The following MYT1 variants were observed in gnomAD, a reference collection of about 807,000 sequenced individuals.
MYT1 encodes myelin transcription factor 1, also known as myelin transcription factor I.
MYT1 carries 23 observed loss-of-function variants against 123.0 expected under a neutral mutation model. That is an observed-to-expected ratio of 0.19 (90% CI 0.13 to 0.26). MYT1 has a LOEUF of 0.26. Among genes scored for constraint, MYT1 ranks in the 10% least tolerant of loss-of-function variants. MYT1 has a pLI of 1.00. For synonymous variants in MYT1, 518 were observed against 575.3 expected, an observed-to-expected ratio of 0.90 and a Z score of 1.43; for missense variants, 1,125 against 1,472.5, an observed-to-expected ratio of 0.76 and a Z score of 3.86.
rs1328024348 is a variant in MYT1 at position 64,192,918 on chromosome 20, G to T, written c.-1+2758G>T. 1.3e-5 allele frequency among the ~76,000 whole-genome samples: 2 copies of T among 152,176 alleles called. No individual in the cohort carries two copies. The highest frequency in any genetic ancestry group is 4.8e-5 in the African/African-American group (2 of 41,434). On this transcript the variant is annotated intron_variant, in intron 2 of 22. Coordinates refer to ENST00000328439, the MANE Select transcript of MYT1 (RefSeq NM_004535.3). The surrounding 1 kb of genome is among the most constrained non-coding windows in gnomAD (Gnocchi z 5.3). Reference sequence around the variant, plus strand: ...TTTATGCTGGAGTTTTTAACAGACGGTTGCAGATATGGCTGCTTCATCAGG... The same window carrying T: ...TTTATGCTGGAGTTTTTAACAGACGTTTGCAGATATGGCTGCTTCATCAGG...
chr20:64,227,195 G>T (rs1328998021), intron 16 of MYT1, among the ~76,000 whole-genome samples: 1 of 152,208 alleles, frequency 6.6e-6, no homozygotes, highest in Non-Finnish European at 1.5e-5. Context: ...GGGAGACGGG[G>T]GAGCAAAGCA....
chr20:64,171,614 C>T (rs1237840671), intron 1 of MYT1, among the ~76,000 whole-genome samples: 1 of 143,896 alleles, frequency 6.9e-6, no homozygotes, highest in Admixed American at 6.7e-5. Flanking sequence ...CAAACCCTAA[C>T]CCCTAACCTC....
intron 10 of MYT1, among the ~76,000 whole-genome samples, chr20:64,216,194 T>C (rs1017034105): frequency 6.6e-6 from 1 of 152,214 alleles, no homozygotes; most frequent in African/African-American, 2.4e-5. Context: ...TTGTACACTT[T>C]CCAGACTGAA....
At chr20:64,235,059 T>G (rs1156802169) in intron 19 of MYT1, among the ~76,000 whole-genome samples, 1,443 of 40,954 alleles carry the variant, frequency 0.035, 5 homozygotes, top group Middle Eastern at 0.086. Flanking sequence ...GCCATGGTGG[T>G]TGATGCTGGG....
intron 19 of MYT1, among the ~76,000 whole-genome samples, chr20:64,233,158 CCTCCTTCCCTTT>C (rs1984375028): frequency 7.7e-6 from 1 of 130,660 alleles, no homozygotes; most frequent in Non-Finnish European, 1.6e-5. Flanking sequence ...TCCCTCCCTT[CCTCCTTCCCTTT>C]CCCTCCCCTC....
chr20:64,199,579 G>A (rs779568225), intron 3 of MYT1, among the ~76,000 whole-genome samples: 11 of 152,152 alleles, frequency 7.2e-5, no homozygotes, highest in Non-Finnish European at 1.6e-4. Context: ...ACCATCCCTG[G>A]CCCTGAGGTC....
chr20:64,199,402 C>T (rs973628188), intron 3 of MYT1, among the ~76,000 whole-genome samples: 3 of 152,184 alleles, frequency 2.0e-5, no homozygotes, highest in African/African-American at 7.2e-5. Flanking sequence ...CCTCTTGTGC[C>T]CAAGCATCTC....
intron 10 of MYT1, among the ~76,000 whole-genome samples, 165 bp from the exon 11 acceptor site, chr20:64,216,901 TG>T (rs1983853529): frequency 6.6e-6 from 1 of 152,206 alleles, no homozygotes; most frequent in South Asian, 2.1e-4. Flanking sequence ...GGTGGAACTC[TG>T]CCCAGCTTTA....
intron 1 of MYT1, among the ~76,000 whole-genome samples, chr20:64,178,607 C>T (rs1254692804): frequency 2.8e-5 from 4 of 141,134 alleles, no homozygotes; most frequent in Admixed American, 1.4e-4. Flanking sequence ...AGCCGTTATT[C>T]GGTGAGATAC....
rs761470825 is a variant in MYT1, at chr20:64,208,385, G to C, written c.1189G>C (p.Glu397Gln). Residue 397 changes from glutamate to glutamine, a missense_variant, in exon 7 of 23, where the codon GAG becomes CAG. By Grantham distance (29) the Glu-to-Gln change is conservative (BLOSUM62 2). This residue lies in a region of MYT1 where 429 missense variants were observed against 604.1 expected (regional missense o/e 0.71). Transcript: ENST00000328439. The surrounding 1 kb of genome is among the most constrained non-coding windows in gnomAD (Gnocchi z 5.4). ...GGCTGAACAGGTGCGCACAGTCTGC[G>C]AGCCGGGCTGCCCGCCTGCCGAGCA... ...LKAEQVRTVC[E>Q]PGCPPAEQSQ... 2.9e-5 allele frequency: 47 copies of C among 1,613,296 alleles called. No homozygotes were observed. The Middle Eastern group carries it at 4.9e-4, about 17-fold the overall frequency.
chr20:64,225,799 G>A (rs1320470053), intron 16 of MYT1, among the ~76,000 whole-genome samples: 2 of 152,130 alleles, frequency 1.3e-5, no homozygotes, highest in African/African-American at 4.8e-5. Context: ...TCCTCTCTGG[G>A]ACACAACTCT....
chr20:64,165,063 G>C (rs1191411750), intron 1 of MYT1, among the ~76,000 whole-genome samples: 1 of 152,092 alleles, frequency 6.6e-6, no homozygotes, highest in Non-Finnish European at 1.5e-5. Context: ...GAAACTTTAT[G>C]CGCATTTCTG....
At position 64,232,893 on chromosome 20, in the gene MYT1, C is replaced by T. The variant is rs927343180; in HGVS notation, c.2897+508C>T. On this transcript the variant is annotated intron_variant, in intron 19 of 22. Transcript: ENST00000328439. This position sits in a 1 kb window ranked among gnomAD's most constrained non-coding sequence, Gnocchi z 6.9. ...CTGCCTTGCAAGGGAGCTGGTAACC[C>T]CTCTCTGTCAGGCAGTGGGCCTGGG... 6.6e-6 allele frequency among the ~76,000 whole-genome samples: 1 copy of T among 151,940 alleles called. No individual in the cohort carries two copies. The highest frequency in any genetic ancestry group is 2.4e-5 in the African/African-American group (1 of 41,326).
In MYT1 at chr20:64,207,988, G is replaced by A. The variant is rs1482363821; in HGVS notation, c.792G>A (p.Glu264=). The A allele has an allele frequency of 6.3e-7, 1 of 1,598,832 alleles. No individual in the cohort carries two copies. The highest frequency in any genetic ancestry group is 1.1e-5 in the South Asian group (1 of 88,814). ...GTCACGAAGAGGAGGACGAGGAGGA[G>A]GAGGAGGAGGAAGAGGAGGAGGAGG... ...ILSHEEEDEE[E]EEEEEEEEED... Residue 264 remains glutamate, a synonymous_variant, in exon 7 of 23, where the codon GAG becomes GAA. Transcript: ENST00000328439.
rs1568709289 is a variant in MYT1 at position 64,205,020 on chromosome 20, T to C, written c.87-15T>C. ...CCATCGCCTGATGTGGCCTTGCCTT[T>C]TTATTTCCCCTCAGCTGCCCCACCC... is the stretch of plus-strand genomic sequence containing the variant. On this transcript the variant is annotated splice_polypyrimidine_tract_variant and intron_variant, in intron 4 of 22. Coordinates refer to ENST00000328439, the MANE Select transcript of MYT1 (RefSeq NM_004535.3). The C allele has an allele frequency of 6.2e-7, 1 of 1,613,954 alleles. No individual in the cohort carries two copies. Among genetic ancestry groups the C allele is most frequent in the South Asian group, 1.1e-5 (1 of 91,080 alleles).
chr20:64,223,724 C>T (rs1388652710), intron 16 of MYT1, among the ~76,000 whole-genome samples: 1 of 152,156 alleles, frequency 6.6e-6, no homozygotes, highest in African/African-American at 2.4e-5. Context: ...AGCCCAGAAC[C>T]GACCAGGGAA....
rs1984191720 is a variant in MYT1 at position 64,227,221 on chromosome 20, G to T, written c.2529-194G>T. Among the ~76,000 whole-genome samples, 6 of 152,338 alleles carry T rather than the reference G, an allele frequency of 3.9e-5. No homozygotes were observed. The South Asian group carries it at 1.2e-3, about 32-fold the overall frequency. On this transcript the variant is annotated intron_variant, in intron 16 of 22. Coordinates refer to ENST00000328439, the MANE Select transcript of MYT1 (RefSeq NM_004535.3). ...GAGCAAAGCACTGAACCCCTGAGAT[G>T]ATCGCATCAGACCCCTGTTGCTGGC...
intron 1 of MYT1, among the ~76,000 whole-genome samples, chr20:64,170,728 C>T (rs369697374): frequency 1.1e-4 from 17 of 150,416 alleles, no homozygotes; most frequent in African/African-American, 3.7e-4. Context: ...TTTATTTCCA[C>T]GAAGGCTGTG....
At chr20:64,170,315 G>A (rs186579529) in intron 1 of MYT1, among the ~76,000 whole-genome samples, 21 of 152,270 alleles carry the variant, frequency 1.4e-4, no homozygotes, top group African/African-American at 5.1e-4. Flanking sequence ...CATTGCATCA[G>A]ACTGATGGGT....
Sources: gnomAD v4.1 joint callset for allele counts (sites outside exome capture counted in the v4.1 genomes callset) on GRCh38, gnomAD v4.1.1 for gene constraint, gnomAD v4.1.1 regional missense constraint, Gnocchi (gnomAD v3.1) non-coding constraint, MANE v1.5 for transcripts, NCBI Gene and HGNC (gene_info 2026-07-23, HGNC 2026-07-21) for gene names.